The following RYR1 variants were observed in gnomAD, a reference collection of about 807,000 sequenced individuals.
RYR1 encodes central core disease of muscle.
Under a neutral mutation model 583.5 loss-of-function variants are expected in RYR1, and 342 were observed. The observed-to-expected ratio is 0.59, with a 90% CI of 0.54 to 0.64. The LOEUF (loss-of-function observed/expected upper bound fraction) is 0.64. Ranked by LOEUF, RYR1 falls within the 30% of genes least tolerant of loss-of-function variation. RYR1 has a pLI of 0.00. For missense variants in RYR1, 6,032 were observed against 6,917.2 expected, an observed-to-expected ratio of 0.87 and a Z score of 4.54; for synonymous variants, 2,791 against 2,822.5, an observed-to-expected ratio of 0.99 and a Z score of 0.35.
At chr19:38,486,269 A>C (rs1160727541) in intron 34 of RYR1, 67 bp downstream of exon 34, 4 of 1,594,958 alleles carry the variant, frequency 2.5e-6, no homozygotes, top group African/African-American at 1.3e-5. Flanking sequence ...CCAGAGATAC[A>C]TGCATCAATC....
intron 67 of RYR1, 127 bp downstream of exon 67, chr19:38,519,581 C>G (rs1971131838): frequency 1.8e-6 from 2 of 1,092,148 alleles, no homozygotes; most frequent in Non-Finnish European, 2.7e-6. Context: ...AACCTTCTGA[C>G]TCTTCCTCCT....
rs1321807358 is a variant in RYR1 at position 38,543,670 on chromosome 19, T to G, written c.11907+10T>G. On this transcript the variant is annotated intron_variant, in intron 86 of 105. Coordinates refer to ENST00000359596, the MANE Select transcript of RYR1 (RefSeq NM_000540.3). The surrounding 1 kb of genome is among the most constrained non-coding windows in gnomAD (Gnocchi z 4.4). ...CACTGAGTACATCCAGGTAGGGCGC[T>G]CCCCCTGGGGCGGGAGTGGGAAGGG... The G allele has an allele frequency of 5.0e-6, 8 of 1,612,942 alleles. No individual in the cohort carries two copies. The highest frequency in any genetic ancestry group is 8.5e-7 in the Non-Finnish European group (1 of 1,179,956).
intron 76 of RYR1, among the ~76,000 whole-genome samples, chr19:38,531,552 G>A (rs141838842): frequency 6.6e-6 from 1 of 152,084 alleles, no homozygotes; most frequent in East Asian, 1.9e-4. Context: ...GTGGCAAGAT[G>A]GCTCTGGGAG....
At chr19:38,511,436 C>A in intron 60 of RYR1, 125 bp from the exon 61 acceptor site, 1 of 972,290 alleles carries the variant, frequency 1.0e-6, no homozygotes, top group South Asian at 1.3e-5. Flanking sequence ...ATTTGGACCC[C>A]CTCCTGGTTC....
At chr19:38,479,183 G>A (rs1968892851) in intron 31 of RYR1, among the ~76,000 whole-genome samples, 1 of 152,102 alleles carries the variant, frequency 6.6e-6, no homozygotes. Context: ...ATCCTAAGGT[G>A]GCCTTTTCCT....
At position 38,496,929 on chromosome 19, in the gene RYR1, C is replaced by A. The variant is rs759553786; in HGVS notation, c.6866C>A (p.Ala2289Glu). 6.2e-7 allele frequency: 1 copy of A among 1,613,588 alleles called. No individual in the cohort carries two copies. Among genetic ancestry groups the A allele is most frequent in the Non-Finnish European group, 8.5e-7 (1 of 1,179,952 alleles). ...SVIDNNELAL[A>E]LQEQDLEKVV... is the part of the protein sequence containing the mutation. ...ATTGACAACAATGAGCTGGCCTTGG[C>A]ATTGCAGGAGCAGGACCTGGAAAAG... The change falls in exon 42 of 106, where the codon GCA (alanine) becomes GAA (glutamate). Residue 2289 changes from alanine (A) to glutamate (E), a missense_variant. Transcript: ENST00000359596. This position sits in a 1 kb window ranked among gnomAD's most constrained non-coding sequence, Gnocchi z 4.8.
chr19:38,468,239 C>CATCT (rs1011364824), intron 25 of RYR1, among the ~76,000 whole-genome samples: 1 of 151,930 alleles, frequency 6.6e-6, no homozygotes, highest in African/African-American at 2.4e-5. Context: ...ATCCATCCAT[C>CATCT]ATCTATCCAT....
rs1971115008 is a variant in RYR1 at position 38,519,290 on chromosome 19, G to T, written c.10095G>T (p.Leu3365=). The T allele has an allele frequency of 6.2e-7, 1 of 1,614,150 alleles. No individual in the cohort carries two copies. Among genetic ancestry groups the T allele is most frequent in the African/African-American group, 1.3e-5 (1 of 75,052 alleles). ...QSHFIPTIGR[L]RKRAGKVVSE... ...ACTTCATCCCAACTATCGGGCGGCT[G>T]CGCAAGAGGGCAGGGAAGGTGGTGT... The change falls in exon 67 of 106, where the codon CTG becomes CTT. Residue 3365 remains leucine (L), a synonymous_variant. Coordinates refer to ENST00000359596, the MANE Select transcript of RYR1 (RefSeq NM_000540.3).
intron 89 of RYR1, among the ~76,000 whole-genome samples, chr19:38,555,649 C>A (rs1793240188): frequency 1.3e-5 from 2 of 152,052 alleles, no homozygotes; most frequent in Non-Finnish European, 2.9e-5. Context: ...TCATAACTTT[C>A]ATGTAACTAT....
chr19:38,498,313 G>A (rs1380002887), intron 42 of RYR1, among the ~76,000 whole-genome samples: 1 of 152,096 alleles, frequency 6.6e-6, no homozygotes, highest in Non-Finnish European at 1.5e-5. Flanking sequence ...TGTTCACAGG[G>A]TCCCTCTGGC....
intron 66 of RYR1, among the ~76,000 whole-genome samples, chr19:38,518,410 A>T (rs866613514): frequency 7.9e-6 from 1 of 126,222 alleles, no homozygotes; most frequent in African/African-American, 2.7e-5. Flanking sequence ...TTAAAAAAAA[A>T]AAAAAAAAAA....
rs1359328761 is a variant in RYR1 at position 38,561,340 on chromosome 19, T to G, written c.12510T>G (p.Leu4170=). 6.2e-7 allele frequency: 1 copy of G among 1,613,962 alleles called. No individual in the cohort carries two copies. The highest frequency in any genetic ancestry group is 1.7e-5 in the Admixed American group (1 of 60,022). The part of the protein sequence containing the change: ...HNFLELAESI[L]EYFRPYLGRI... The stretch of plus-strand genomic sequence containing the variant: ...TCCTGGAGCTGGCCGAGAGCATCCT[T>G]GAGTACTTCCGCCCCTACCTGGGCC... The change falls in exon 90 of 106, where the codon CTT becomes CTG. Residue 4170 remains leucine, a synonymous_variant. Coordinates refer to ENST00000359596, the MANE Select transcript of RYR1 (RefSeq NM_000540.3). The surrounding 1 kb of genome is among the most constrained non-coding windows in gnomAD (Gnocchi z 4.8).
chr19:38,502,446 C>A, intron 47 of RYR1, 61 bp from the exon 48 acceptor site: 2 of 1,486,480 alleles, frequency 1.3e-6, no homozygotes, highest in Admixed American at 1.9e-5. Flanking sequence ...TCGCTCAAGA[C>A]AGGTGCCAGA....
intron 47 of RYR1, among the ~76,000 whole-genome samples, chr19:38,501,701 G>C (rs1385194749): frequency 6.6e-6 from 1 of 152,070 alleles, no homozygotes; most frequent in Non-Finnish European, 1.5e-5. Flanking sequence ...GTTTAAGAGA[G>C]CCTGGGGCTG....
At chr19:38,574,703 C>T (rs796911514) in intron 96 of RYR1, among the ~76,000 whole-genome samples, 26 of 151,922 alleles carry the variant, frequency 1.7e-4, no homozygotes, top group East Asian at 5.8e-4. Flanking sequence ...ATTGCAAATC[C>T]GTGAATTCAT....
At position 38,519,342 on chromosome 19, in the gene RYR1, G is replaced by A. The variant is rs747790775; in HGVS notation, c.10147G>A (p.Ala3383Thr). The A allele has an allele frequency of 4.3e-6, 7 of 1,612,920 alleles. No homozygotes were observed. Among genetic ancestry groups the A allele is most frequent in the Admixed American group, 1.7e-5 (1 of 59,798 alleles). Residue 3383 changes from alanine to threonine, a missense_variant, in exon 67 of 106, where the codon GCC (alanine) becomes ACC (threonine). Physicochemically the swap from Ala to Thr is moderately conservative, Grantham distance 58. Around this residue, in one of 11 missense-constraint regions of RYR1, gnomAD observed 1,493 missense variants for 1,715.5 expected, o/e 0.87. Coordinates refer to ENST00000359596, the MANE Select transcript of RYR1 (RefSeq NM_000540.3). ...VSEEEQLRLEAKAEAQEGELL... is the reference protein window; with the variant it reads ...VSEEEQLRLETKAEAQEGELL... ...CGAGGAGGAGCAGCTGCGCCTGGAG[G>A]CCAAGGCGGAGGCCCAGGAGGGCGA...
rs1321918995 is a variant in RYR1, at chr19:38,500,396, G to A, written c.7324-210G>A. On this transcript the variant is annotated intron_variant, in intron 45 of 105. Coordinates refer to ENST00000359596, the MANE Select transcript of RYR1 (RefSeq NM_000540.3). The surrounding 1 kb of genome is among the most constrained non-coding windows in gnomAD (Gnocchi z 5.9). Reference sequence around the variant, plus strand: ...GCCAGGATGAGGGGTCGCAGGGAGAGGGGTCAGGATGAGGTTGGGGGGAAC... The same window carrying A: ...GCCAGGATGAGGGGTCGCAGGGAGAAGGGTCAGGATGAGGTTGGGGGGAAC... Among the ~76,000 whole-genome samples, 1 of 150,128 alleles carries A rather than the reference G, an allele frequency of 6.7e-6. No homozygotes were observed. The highest frequency in any genetic ancestry group is 2.1e-4 in the South Asian group (1 of 4,682).
Position 38,458,186 on chromosome 19 carries a change from C to T in RYR1, c.2061C>T (p.Leu687=), listed in dbSNP as rs1316101619. Residue 687 remains leucine (L), a synonymous_variant, in exon 18 of 106, where the codon CTC becomes CTT. Transcript: ENST00000359596. ...QATHLRVGWA[L]TEGYTPYPGA... ...CCCACTTGCGGGTGGGCTGGGCCCTCACCGAGGGCTACACCCCCTACCCTG... is the reference window on the plus strand; with the variant it reads ...CCCACTTGCGGGTGGGCTGGGCCCTTACCGAGGGCTACACCCCCTACCCTG... The T allele has an allele frequency of 2.5e-6, 4 of 1,613,824 alleles. No individual in the cohort carries two copies. Among genetic ancestry groups the T allele is most frequent in the South Asian group, 1.1e-5 (1 of 91,088 alleles).
chr19:38,547,184 G>A lies in RYR1; in HGVS notation c.12094+658G>A, dbSNP rs367671820. On this transcript the variant is annotated intron_variant, in intron 88 of 105. Transcript: ENST00000359596. ...CTCCCCGGTAGCTGGGACTACAGGC[G>A]CCCGCCACCACACCTGGCTAATTTT... 9.9e-3 allele frequency among the ~76,000 whole-genome samples: 1,477 copies of A among 148,534 alleles called. 24 individuals carry two copies. Among genetic ancestry groups the A allele is most frequent in the African/African-American group, 0.034 (1,387 of 40,384 alleles).
Sources: allele counts gnomAD v4.1 joint callset (sites outside exome capture counted in the v4.1 genomes callset), GRCh38; gene constraint gnomAD v4.1.1; regional missense constraint gnomAD v4.1.1; non-coding constraint Gnocchi (gnomAD v3.1); transcripts MANE v1.5; gene names NCBI Gene and HGNC (gene_info 2026-07-23, HGNC 2026-07-21).